UBN2: variants seen among roughly 807,000 people sequenced by gnomAD.
The protein encoded by UBN2 is ubinuclein-2.
Under a neutral mutation model 120.2 loss-of-function variants are expected in UBN2, and 35 were observed. The observed-to-expected ratio is 0.29, with a 90% CI of 0.22 to 0.39. The LOEUF (loss-of-function observed/expected upper bound fraction) is 0.39. Ranked by LOEUF, UBN2 falls within the 10% of genes least tolerant of loss-of-function variation. The pLI is 1.00. For synonymous variants in UBN2, 661 were observed against 648.7 expected, an observed-to-expected ratio of 1.02 and a Z score of -0.29; for missense variants, 1,693 against 1,663.2, an observed-to-expected ratio of 1.02 and a Z score of -0.31.
rs1216717419 is a variant in UBN2, at chr7:139,231,506, G to C, written c.22G>C (p.Ala8Pro). 6 of 1,412,018 alleles carry C rather than the reference G, an allele frequency of 4.2e-6. No individual in the cohort carries two copies. Among genetic ancestry groups the C allele is most frequent in the Non-Finnish European group, 5.6e-6 (6 of 1,075,130 alleles). 87.5% of individuals were successfully genotyped at this position (1,412,018 alleles called of 1,614,324 possible). The change falls in exon 1 of 18, where the codon GCG (alanine) becomes CCG (proline). Residue 8 changes from alanine (A) to proline (P), a missense_variant. This residue lies in a region of UBN2 where 663 missense variants were observed against 591.2 expected (regional missense o/e 1.12). Transcript: ENST00000473989. Reference protein sequence around the residue: MAEPRRVAFISLSPVRRR... With the variant: MAEPRRVPFISLSPVRRR... ...GGGGATGGCGGAGCCGCGCAGAGTAGCGTTCATTAGCTTGTCACCGGTGCG... is the reference window on the plus strand; with the variant it reads ...GGGGATGGCGGAGCCGCGCAGAGTACCGTTCATTAGCTTGTCACCGGTGCG...
chr7:139,247,693 C>T (rs1282802789), intron 2 of UBN2, among the ~76,000 whole-genome samples: 5 of 152,186 alleles, frequency 3.3e-5, no homozygotes, highest in Non-Finnish European at 7.3e-5. Context: ...TTTTATGCCC[C>T]AGTAACTTGT....
intron 9 of UBN2, 45 bp from the exon 10 acceptor site, chr7:139,273,252 G>A (rs1247230900): frequency 6.8e-6 from 9 of 1,320,662 alleles, no homozygotes; most frequent in Non-Finnish European, 7.5e-6. Context: ...TATATAGGCA[G>A]TGTTGGGTTA....
At position 139,259,284 on chromosome 7, in the gene UBN2, A is replaced by G; in HGVS notation, c.819A>G (p.Glu273=). 1 of 1,613,358 alleles carries G rather than the reference A, an allele frequency of 6.2e-7. No homozygotes were observed. Among genetic ancestry groups the G allele is most frequent in the Non-Finnish European group, 8.5e-7 (1 of 1,179,778 alleles). Residue 273 remains glutamate, a synonymous_variant, in exon 5 of 18, where the codon GAA becomes GAG. Coordinates refer to ENST00000473989, the MANE Select transcript of UBN2 (RefSeq NM_173569.4). ...HKPPKVPKIK[E]DDIEMKKRKR... is the part of the protein sequence containing the mutation. The stretch of plus-strand genomic sequence containing the variant: ...TTTTGCAGGTCCCCAAAATAAAAGA[A>G]GATGATATTGAGATGAAGAAGCGGA...
chr7:139,236,203 C>T (rs973985681), intron 1 of UBN2, among the ~76,000 whole-genome samples: 4 of 151,742 alleles, frequency 2.6e-5, no homozygotes, highest in Non-Finnish European at 5.9e-5. Context: ...GCTTCTAGCT[C>T]TGTGTGTGTG....
intron 15 of UBN2, among the ~76,000 whole-genome samples, chr7:139,288,700 GT>G (rs1797857825): frequency 6.6e-6 from 1 of 151,960 alleles, no homozygotes; most frequent in Non-Finnish European, 1.5e-5. Flanking sequence ...AGAGTATGTG[GT>G]TTAAAAAAAA....
At chr7:139,321,735 AT>A in the UBN2 span, among the ~76,000 whole-genome samples, 3 of 152,090 alleles carry the variant, frequency 2.0e-5, no homozygotes, top group South Asian at 4.1e-4. Context: ...AAGAAGCACC[AT>A]TTGGAATCTG....
chr7:139,279,507 T>C (rs1028797768), intron 13 of UBN2, 147 bp downstream of exon 13: 3 of 604,166 alleles, frequency 5.0e-6, no homozygotes, highest in Admixed American at 3.5e-5. Context: ...CTTAGTACTT[T>C]TGTATTTGGG....
chr7:139,283,880 G>A lies in UBN2; in HGVS notation c.2975G>A (p.Gly992Asp), dbSNP rs541034152. 2.4e-5 allele frequency: 38 copies of A among 1,613,902 alleles called. No homozygotes were observed. The South Asian group carries it at 3.7e-4, about 16-fold the overall frequency. Residue 992 changes from glycine to aspartate, a missense_variant, in exon 15 of 18, where the codon GGT becomes GAT. By Grantham distance (94) the Gly-to-Asp change is moderately conservative (BLOSUM62 -1). Around this residue, in one of 5 missense-constraint regions of UBN2, gnomAD observed 837 missense variants for 817.6 expected, o/e 1.02. Coordinates refer to ENST00000473989, the MANE Select transcript of UBN2 (RefSeq NM_173569.4). ...TTATCTACCCCCTCACCTGGAAATG[G>A]TTCTCAAGGGTCCCACCCCCTGGTT... ...LPLSTPSPGN[G>D]SQGSHPLVSR...
rs76653382 is a variant in UBN2, at chr7:139,244,164, A to G, written c.561+7067A>G. Among the ~76,000 whole-genome samples the G allele has an allele frequency of 8.6e-3, 1,302 of 152,250 alleles. 16 individuals are homozygous for G. Among genetic ancestry groups the G allele is most frequent in the African/African-American group, 0.029 (1,213 of 41,540 alleles). ...GCTATGTGTATGTGGGCAGTCACATATTTCAAAGATTTTTTTTTGTTACTG... is the reference window on the plus strand; with the variant it reads ...GCTATGTGTATGTGGGCAGTCACATGTTTCAAAGATTTTTTTTTGTTACTG... On this transcript the variant is annotated intron_variant, in intron 2 of 17. Coordinates refer to ENST00000473989, the MANE Select transcript of UBN2 (RefSeq NM_173569.4).
chr7:139,252,760 T>C (rs1404151998), intron 3 of UBN2, among the ~76,000 whole-genome samples: 1 of 151,982 alleles, frequency 6.6e-6, no homozygotes, highest in Non-Finnish European at 1.5e-5. Context: ...CACCCCTTGC[T>C]CAAACAGAAC....
intron 15 of UBN2, among the ~76,000 whole-genome samples, chr7:139,286,219 C>T (rs1351351529): frequency 6.6e-6 from 1 of 152,158 alleles, no homozygotes; most frequent in African/African-American, 2.4e-5. Context: ...TGAGCTACCA[C>T]ACCTGGCCTA....
At chr7:139,247,077 A>G (rs1261228705) in intron 2 of UBN2, among the ~76,000 whole-genome samples, 1 of 152,134 alleles carries the variant, frequency 6.6e-6, no homozygotes, top group Non-Finnish European at 1.5e-5. Context: ...GGTGCATGTA[A>G]CAGTGGGGTT....
chr7:139,298,162 GT>G lies in UBN2; in HGVS notation c.*327del. The stretch of plus-strand genomic sequence containing the variant: ...TTTTTCCCGGGGGAGGAAGAAGGAA[GT>G]GAAGAGAATTTGGGTAAACTCCATC... On this transcript the variant is annotated 3_prime_UTR_variant, in exon 18 of 18. Transcript: ENST00000473989. 3.7e-6 allele frequency: 1 copy of G among 271,722 alleles called. No homozygotes were observed. The highest frequency in any genetic ancestry group is 7.0e-6 in the Non-Finnish European group (1 of 143,534). 16.8% of individuals were successfully genotyped at this position (271,722 alleles called of 1,614,324 possible). A position where few individuals can be genotyped will look rare whatever the true frequency, so the allele number is the denominator to read the frequency against.
chr7:139,257,557 C>A (rs1267989632), intron 3 of UBN2, among the ~76,000 whole-genome samples: 1 of 151,682 alleles, frequency 6.6e-6, no homozygotes, highest in Non-Finnish European at 1.5e-5. Context: ...TATAGGCACC[C>A]ACCCCACCAC....
intron 11 of UBN2, 147 bp downstream of exon 11, chr7:139,274,221 G>A: frequency 1.3e-6 from 1 of 779,582 alleles, no homozygotes; most frequent in South Asian, 3.1e-5. Context: ...GATGATCCTT[G>A]CTTTGAAAAC....
chr7:139,302,018 G>C lies in UBN2; in HGVS notation c.*4182G>C, dbSNP rs1337576624. 6.6e-6 allele frequency: 1 copy of C among 152,072 alleles called. No homozygotes were observed. The highest frequency in any genetic ancestry group is 1.9e-4 in the East Asian group (1 of 5,190). The allele number at this position is 152,072 out of a possible 1,614,324, so 9.4% of individuals were successfully genotyped here. Reference sequence around the variant, plus strand: ...TTAACTCTTTGTAAATCATTTCTTAGCTCTGGTAAAATGCTTATATTACTC... The same window carrying C: ...TTAACTCTTTGTAAATCATTTCTTACCTCTGGTAAAATGCTTATATTACTC... On this transcript the variant is annotated 3_prime_UTR_variant, in exon 18 of 18. Coordinates refer to ENST00000473989, the MANE Select transcript of UBN2 (RefSeq NM_173569.4).
At position 139,306,563 on chromosome 7, in the gene UBN2, T is replaced by G. The variant is rs1798360729; in HGVS notation, c.*8727T>G. ...GAGACCTTCAGATAATCAATGGGCC[T>G]TTCCCCATTAGAGGTAGGTTCCCAG... On this transcript the variant is annotated 3_prime_UTR_variant, in exon 18 of 18. Transcript: ENST00000473989. 6.6e-6 allele frequency: 1 copy of G among 152,216 alleles called. No homozygotes were observed. The highest frequency in any genetic ancestry group is 2.4e-5 in the African/African-American group (1 of 41,466). 9.4% of individuals were successfully genotyped at this position (152,216 alleles called of 1,614,324 possible).
chr7:139,252,576 T>C (rs944061553), intron 3 of UBN2, among the ~76,000 whole-genome samples: 2 of 152,196 alleles, frequency 1.3e-5, no homozygotes, highest in African/African-American at 4.8e-5. Context: ...TTGCAAGCTG[T>C]TTGAAAACAA....
chr7:139,281,889 C>T (rs2131032098), intron 13 of UBN2, 116 bp from the exon 14 acceptor site: 1 of 882,960 alleles, frequency 1.1e-6, no homozygotes, highest in East Asian at 2.5e-5. Flanking sequence ...TACACTTGTA[C>T]TTCCAATTGG....
Sources: gnomAD v4.1 joint callset for allele counts (sites outside exome capture counted in the v4.1 genomes callset) on GRCh38, gnomAD v4.1.1 for gene constraint, gnomAD v4.1.1 regional missense constraint, MANE v1.5 for transcripts, NCBI Gene and HGNC (gene_info 2026-07-23, HGNC 2026-07-21) for gene names.